Variants in ACYP2 observed in about 807,000 individuals in gnomAD.
ACYP2 encodes acylphosphatase-2.
ACYP2 carries 12 observed loss-of-function variants against 11.2 expected under a neutral mutation model. The ratio of observed to expected loss-of-function variants is 1.08; its 90% CI spans 0.69 to 1.74. The LOEUF is 1.74. ACYP2 is among the 40% of genes most tolerant of loss of function. The probability of loss-of-function intolerance (pLI) is 0.00; values close to 1 mark genes in which losing one functional copy is unlikely to be tolerated. For synonymous variants in ACYP2, 43 were observed against 32.2 expected, an observed-to-expected ratio of 1.33 and a Z score of -1.13; for missense variants, 134 against 101.9, an observed-to-expected ratio of 1.31 and a Z score of -1.35.
chr2:54,053,831 C>T (rs2103620936), intron 3 of ACYP2, among the ~76,000 whole-genome samples: 1 of 152,300 alleles, frequency 6.6e-6, no homozygotes, highest in South Asian at 2.1e-4. Context: ...TATTAAACAT[C>T]CCTGTTTAAA....
intron 2 of ACYP2, among the ~76,000 whole-genome samples, chr2:53,993,713 G>T (rs1440094110): frequency 6.6e-6 from 1 of 151,584 alleles, no homozygotes; most frequent in African/African-American, 2.4e-5. Flanking sequence ...AAAAAAAAAA[G>T]ATTTGGGAAT....
chr2:54,102,144 A>G (rs900918787), intron 4 of ACYP2, among the ~76,000 whole-genome samples: 3 of 152,218 alleles, frequency 2.0e-5, no homozygotes, highest in South Asian at 2.1e-4. Flanking sequence ...ATTGCTTTAC[A>G]AAATGTTTGT....
At chr2:54,158,311 G>A (rs1682532581) in intron 6 of ACYP2, among the ~76,000 whole-genome samples, 1 of 151,290 alleles carries the variant, frequency 6.6e-6, no homozygotes, top group South Asian at 2.1e-4. Context: ...CAAAGTGCTG[G>A]GATTAAAGGC....
chr2:53,996,901 A>G (rs567311643), intron 2 of ACYP2, among the ~76,000 whole-genome samples: 1 of 152,288 alleles, frequency 6.6e-6, no homozygotes, highest in Non-Finnish European at 1.5e-5. Context: ...TTACCTTGTC[A>G]GTCTTTTGCT....
At chr2:54,052,774 G>A (rs187998962) in intron 3 of ACYP2, among the ~76,000 whole-genome samples, 1 of 152,336 alleles carries the variant, frequency 6.6e-6, no homozygotes, top group African/African-American at 2.4e-5. Flanking sequence ...GAAGGGCTCT[G>A]TTAGAAAAAT....
At chr2:54,081,681 C>G (rs1043409053) in intron 4 of ACYP2, among the ~76,000 whole-genome samples, 16 of 152,368 alleles carry the variant, frequency 1.1e-4, no homozygotes, top group Non-Finnish European at 1.5e-4. Flanking sequence ...CATGACTCTA[C>G]ATACCTGATG....
chr2:54,093,091 C>A (rs1443914406), intron 4 of ACYP2, among the ~76,000 whole-genome samples: 1 of 152,294 alleles, frequency 6.6e-6, no homozygotes, highest in East Asian at 1.9e-4. Flanking sequence ...CTGCTGCCTT[C>A]ACTGCTCCAG....
chr2:53,991,068 T>C (rs1672267970), intron 2 of ACYP2, among the ~76,000 whole-genome samples: 1 of 152,226 alleles, frequency 6.6e-6, no homozygotes, highest in Non-Finnish European at 1.5e-5. Flanking sequence ...AGTGCTGGGA[T>C]TACAGGCGTG....
At chr2:54,144,829 G>T (rs1056384244) in intron 6 of ACYP2, among the ~76,000 whole-genome samples, 8 of 151,986 alleles carry the variant, frequency 5.3e-5, no homozygotes, top group African/African-American at 1.9e-4. Context: ...ACAGCTTTTA[G>T]ATTTATTGAT....
At chr2:54,092,546 C>T (rs990212471) in intron 4 of ACYP2, among the ~76,000 whole-genome samples, 1 of 152,052 alleles carries the variant, frequency 6.6e-6, no homozygotes, top group South Asian at 2.1e-4. Flanking sequence ...CCATCTAGAG[C>T]AGCATAGGTG....
intron 4 of ACYP2, among the ~76,000 whole-genome samples, chr2:54,102,936 A>C (rs753081693): frequency 7.2e-5 from 11 of 152,158 alleles, no homozygotes; most frequent in Non-Finnish European, 1.2e-4. Flanking sequence ...CTGAGGAAGG[A>C]AGACTTTGGT....
chr2:54,095,588 C>G (rs1279540343), intron 4 of ACYP2, among the ~76,000 whole-genome samples: 8 of 147,116 alleles, frequency 5.4e-5, no homozygotes, highest in Admixed American at 2.0e-4. Context: ...CCCTCCCGGA[C>G]GGGGCGGCTG....
At chr2:54,053,779 T>G (rs1675985683) in intron 3 of ACYP2, among the ~76,000 whole-genome samples, 1 of 152,240 alleles carries the variant, frequency 6.6e-6, no homozygotes, top group African/African-American at 2.4e-5. Context: ...CATTCTATCT[T>G]TAGAGTCACT....
intron 4 of ACYP2, among the ~76,000 whole-genome samples, chr2:54,099,043 T>C (rs944539464): frequency 1.3e-5 from 2 of 152,166 alleles, no homozygotes; most frequent in Non-Finnish European, 1.5e-5. Flanking sequence ...GCAGACAATA[T>C]CTTAGAACCT....
chr2:54,080,778 G>A (rs1025944817), intron 4 of ACYP2, among the ~76,000 whole-genome samples: 3 of 151,578 alleles, frequency 2.0e-5, no homozygotes, highest in East Asian at 1.9e-4. Flanking sequence ...ATGAGCCACC[G>A]TGCCCTGCCT....
intron 4 of ACYP2, among the ~76,000 whole-genome samples, chr2:54,066,481 T>C (rs1297937050): frequency 6.6e-6 from 1 of 152,186 alleles, no homozygotes; most frequent in East Asian, 1.9e-4. Flanking sequence ...AAATAGATAT[T>C]GCTGACCTCA....
At chr2:54,105,731 C>T (rs1679122657) in intron 4 of ACYP2, among the ~76,000 whole-genome samples, 2 of 152,004 alleles carry the variant, frequency 1.3e-5, no homozygotes, top group South Asian at 2.1e-4. Flanking sequence ...TGGGCTCAAG[C>T]GATCCTCCTG....
At chr2:54,144,882 A>G (rs549577265) in intron 6 of ACYP2, among the ~76,000 whole-genome samples, 2 of 152,052 alleles carry the variant, frequency 1.3e-5, no homozygotes, top group Non-Finnish European at 2.9e-5. Context: ...TTCAACTTCC[A>G]TCTTTATTAA....
chr2:54,013,255 A>ATGTG lies in ACYP2; in HGVS notation c.63-37645_63-37642dup, dbSNP rs60289014. Among the ~76,000 whole-genome samples, 459 of 117,570 alleles carry ATGTG rather than the reference A, an allele frequency of 3.9e-3. 6 individuals are homozygous for ATGTG. The highest frequency in any genetic ancestry group is 6.0e-3 in the Non-Finnish European group (338 of 56,726). The allele number at this position is 117,570 out of a possible 152,430, so 77.1% of individuals were successfully genotyped here. ...AATATAACATTTACCACCATCTAAT[A>ATGTG]TGTGTGTGTGTGTGTGTGTGTGTGT... On this transcript the variant is annotated intron_variant, in intron 2 of 6. Coordinates refer to ENST00000607452, the MANE Select transcript of ACYP2 (RefSeq NM_001320586.2).
Sources: gnomAD v4.1 joint callset for allele counts (sites outside exome capture counted in the v4.1 genomes callset) on GRCh38, gnomAD v4.1.1 for gene constraint, MANE v1.5 for transcripts, NCBI Gene and HGNC (gene_info 2026-07-23, HGNC 2026-07-21) for gene names.